The following SCCPDH variants were observed in gnomAD, a reference collection of about 807,000 sequenced individuals.
The protein encoded by SCCPDH is saccharopine dehydrogenase (putative).
In SCCPDH, 34 loss-of-function variants were observed where a neutral mutation model predicts 51.5. The ratio of observed to expected loss-of-function variants is 0.66; its 90% CI spans 0.50 to 0.88. The LOEUF (loss-of-function observed/expected upper bound fraction) is 0.88, where lower values mean the gene tolerates loss of function less well. Among genes scored for constraint, SCCPDH ranks in the 40% least tolerant of loss-of-function variants. The pLI is 0.00. For missense variants in SCCPDH, 464 were observed against 527.1 expected, an observed-to-expected ratio of 0.88 and a Z score of 1.17; for synonymous variants, 187 against 191.3, an observed-to-expected ratio of 0.98 and a Z score of 0.19.
At chr1:246,750,686 A>G (rs894234804) in intron 5 of SCCPDH, among the ~76,000 whole-genome samples, 18 of 152,192 alleles carry the variant, frequency 1.2e-4, no homozygotes, top group African/African-American at 3.9e-4. Flanking sequence ...AATATTTTCA[A>G]CTAATGCCTT....
intron 2 of SCCPDH, among the ~76,000 whole-genome samples, chr1:246,733,109 G>A (rs1374309144): frequency 2.6e-5 from 4 of 152,054 alleles, no homozygotes; most frequent in Non-Finnish European, 4.4e-5. Context: ...TTTTTGAGAT[G>A]GGGGTCTCAC....
intron 2 of SCCPDH, among the ~76,000 whole-genome samples, chr1:246,729,479 A>T (rs1340855272): frequency 2.6e-5 from 4 of 152,284 alleles, no homozygotes; most frequent in South Asian, 4.1e-4. Flanking sequence ...TATTTCTCCT[A>T]TTCGCTTTCT....
intron 5 of SCCPDH, among the ~76,000 whole-genome samples, chr1:246,751,776 C>T (rs1572302306): frequency 3.6e-5 from 5 of 138,356 alleles, no homozygotes; most frequent in Non-Finnish European, 3.1e-5. Flanking sequence ...ATAAATTCTC[C>T]TTTTTTTTTT....
chr1:246,764,364 C>T lies in SCCPDH; in HGVS notation c.1102+7C>T. ...ACTCAGGTGAAAGGACCAGGTATTT[C>T]ACATATCACTTAAGAATGCTTGGGA... On this transcript the variant is annotated splice_region_variant and intron_variant, in intron 10 of 11. Transcript: ENST00000366510. 3.3e-6 allele frequency: 5 copies of T among 1,508,210 alleles called. No individual in the cohort carries two copies. The highest frequency in any genetic ancestry group is 4.6e-6 in the Non-Finnish European group (5 of 1,085,730). 93.4% of individuals were successfully genotyped at this position (1,508,210 alleles called of 1,614,324 possible). A position where few individuals can be genotyped will look rare whatever the true frequency, so the allele number is the denominator to read the frequency against.
At chr1:246,760,624 A>G (rs1346232849) in intron 9 of SCCPDH, among the ~76,000 whole-genome samples, 1 of 151,680 alleles carries the variant, frequency 6.6e-6, no homozygotes. Flanking sequence ...TCTTCCACAT[A>G]CCCTGGATTC....
intron 5 of SCCPDH, among the ~76,000 whole-genome samples, chr1:246,750,573 C>T (rs184669144): frequency 6.6e-6 from 1 of 152,218 alleles, no homozygotes; most frequent in East Asian, 1.9e-4. Context: ...GTATGATATT[C>T]CCATGTTATA....
intron 3 of SCCPDH, among the ~76,000 whole-genome samples, chr1:246,739,764 T>C (rs116623191): frequency 0.013 from 2,010 of 152,334 alleles, 44 homozygotes; most frequent in African/African-American, 0.046. Context: ...TATTCCCCTG[T>C]GCCCTCTGCC....
chr1:246,730,342 C>T (rs1200765691), intron 2 of SCCPDH, among the ~76,000 whole-genome samples: 1 of 152,226 alleles, frequency 6.6e-6, no homozygotes, highest in East Asian at 1.9e-4. Flanking sequence ...AGTTTTCCTC[C>T]TGTCCACCAG....
chr1:246,734,765 G>A (rs993812652), intron 2 of SCCPDH, among the ~76,000 whole-genome samples: 2 of 152,196 alleles, frequency 1.3e-5, no homozygotes, highest in Admixed American at 6.5e-5. Context: ...ATAAAGCAGA[G>A]GAGTTTGTGC....
intron 9 of SCCPDH, among the ~76,000 whole-genome samples, chr1:246,761,136 C>T (rs1669006302): frequency 6.6e-6 from 1 of 152,170 alleles, no homozygotes; most frequent in Non-Finnish European, 1.5e-5. Context: ...TCCATCCCGA[C>T]CTTCTTTCCT....
chr1:246,756,436 G>T (rs1435203124), intron 5 of SCCPDH, among the ~76,000 whole-genome samples: 1 of 152,174 alleles, frequency 6.6e-6, no homozygotes, highest in Non-Finnish European at 1.5e-5. Flanking sequence ...TAACATACAT[G>T]AATATACAAT....
At chr1:246,764,782 G>A (rs1669065652) in intron 10 of SCCPDH, among the ~76,000 whole-genome samples, 1 of 152,238 alleles carries the variant, frequency 6.6e-6, no homozygotes, top group Non-Finnish European at 1.5e-5. Context: ...GAAGGGAATG[G>A]CTTCTGATAG....
intron 5 of SCCPDH, among the ~76,000 whole-genome samples, chr1:246,746,107 C>CAAAAAAAAAAAAAAAAAA: frequency 1.3e-5 from 1 of 79,586 alleles, no homozygotes; most frequent in Non-Finnish European, 2.2e-5. Flanking sequence ...GACTCCATCT[C>CAAAAAAAAAAAAAAAAAA]AAAAAAAAAA....
intron 2 of SCCPDH, among the ~76,000 whole-genome samples, chr1:246,734,224 G>T (rs1210033289): frequency 1.3e-5 from 2 of 152,124 alleles, no homozygotes; most frequent in Non-Finnish European, 2.9e-5. Flanking sequence ...GGCCGAGAAA[G>T]CTCCAAATGA....
intron 5 of SCCPDH, among the ~76,000 whole-genome samples, chr1:246,757,174 T>C (rs1200170098): frequency 6.6e-6 from 1 of 151,922 alleles, no homozygotes; most frequent in Non-Finnish European, 1.5e-5. Context: ...TGAAACCCCG[T>C]CTTTACTAAA....
intron 2 of SCCPDH, among the ~76,000 whole-genome samples, chr1:246,735,563 ACT>A (rs1668553375): frequency 6.6e-6 from 1 of 152,064 alleles, no homozygotes; most frequent in Admixed American, 6.6e-5. Context: ...ACGGAGTCTC[ACT>A]CTGTCGCCCA....
Position 246,759,975 on chromosome 1 carries a change from G to T in SCCPDH, c.832G>T (p.Val278Leu). The T allele has an allele frequency of 6.2e-7, 1 of 1,613,182 alleles. No homozygotes were observed. ...CATCTAGGTTCAGTATGCTGCGTAT[G>T]TAACTGTGGGAGGCATCACCTCTGT... Reference protein sequence around the residue: ...EESPVQYAAYVTVGGITSVIK... With the variant: ...EESPVQYAAYLTVGGITSVIK... Residue 278 changes from valine (V) to leucine (L), a missense_variant, in exon 8 of 12, where the codon GTA (valine) becomes TTA (leucine). Coordinates refer to ENST00000366510, the MANE Select transcript of SCCPDH (RefSeq NM_016002.3).
chr1:246,738,971 G>A (rs1008164750), intron 3 of SCCPDH, among the ~76,000 whole-genome samples: 1 of 152,208 alleles, frequency 6.6e-6, no homozygotes, highest in Non-Finnish European at 1.5e-5. Flanking sequence ...GTGTGTGACT[G>A]AGTGTGTTAA....
rs1668606729 is a variant in SCCPDH, at chr1:246,737,199, T to C, written c.384+1144T>C. 2.7e-5 allele frequency among the ~76,000 whole-genome samples: 4 copies of C among 148,816 alleles called. No individual in the cohort carries two copies. The South Asian group carries it at 8.6e-4, about 32-fold the overall frequency. ...CTGGAAAATACTGAGACAGTGTAAA[T>C]TACAAAAATTGATTCAAAAAGGAGG... is the stretch of plus-strand genomic sequence containing the variant. On this transcript the variant is annotated intron_variant, in intron 3 of 11. Transcript: ENST00000366510.
Sources: allele counts gnomAD v4.1 joint callset (sites outside exome capture counted in the v4.1 genomes callset), GRCh38; gene constraint gnomAD v4.1.1; transcripts MANE v1.5; gene names NCBI Gene and HGNC (gene_info 2026-07-23, HGNC 2026-07-21).